Variants in SF3B6 observed in about 807,000 individuals in gnomAD.
The protein encoded by SF3B6 is SF3b 14 kDa subunit.
SF3B6 carries 3 observed loss-of-function variants against 15.9 expected under a neutral mutation model. That is an observed-to-expected ratio of 0.19 (90% CI 0.09 to 0.49). The LOEUF (loss-of-function observed/expected upper bound fraction) is 0.49, where lower values mean the gene tolerates loss of function less well. SF3B6 is among the 20% of genes least tolerant of loss of function. The probability of loss-of-function intolerance (pLI) is 0.97; values close to 1 mark genes in which losing one functional copy is unlikely to be tolerated. For synonymous variants in SF3B6, 49 were observed against 51.1 expected, an observed-to-expected ratio of 0.96 and a Z score of 0.18; for missense variants, 71 against 154.3, an observed-to-expected ratio of 0.46 and a Z score of 2.86.
At chr2:24,073,216 A>G (rs147899151) in intron 2 of SF3B6, among the ~76,000 whole-genome samples, 28 of 152,380 alleles carry the variant, frequency 1.8e-4, no homozygotes, top group African/African-American at 5.8e-4. Flanking sequence ...CCGACTAGAA[A>G]TAAAAACTTT....
intron 3 of SF3B6, 142 bp from the exon 4 acceptor site, chr2:24,067,993 C>T: frequency 1.3e-6 from 1 of 756,930 alleles, no homozygotes; most frequent in East Asian, 2.5e-5. Context: ...GAGACGGAGT[C>T]TCTCTGTTGC....
chr2:24,070,190 C>CT (rs1343262520), intron 2 of SF3B6, among the ~76,000 whole-genome samples: 1 of 152,200 alleles, frequency 6.6e-6, no homozygotes, highest in Non-Finnish European at 1.5e-5. Context: ...ATAATTTGAA[C>CT]TTTTAAAAGC....
rs769905029 is a variant in SF3B6, at chr2:24,074,243, A to T, written c.31-49T>A. The T allele has an allele frequency of 4.0e-6, 4 of 990,242 alleles. No homozygotes were observed. The South Asian group carries it at 5.9e-5, about 15-fold the overall frequency. The allele number at this position is 990,242 out of a possible 1,614,324, so 61.3% of individuals were successfully genotyped here. A position where few individuals can be genotyped will look rare whatever the true frequency, so the allele number is the denominator to read the frequency against. ...TATTATAATTAGGGGCATTCTAAAA[A>T]ATTATAATTTAAATGCCCCTATAAT... On this transcript the variant is annotated intron_variant, in intron 1 of 3. Transcript: ENST00000233468.
At chr2:24,074,879 A>G (rs1317761505) in intron 1 of SF3B6, among the ~76,000 whole-genome samples, 1 of 152,146 alleles carries the variant, frequency 6.6e-6, no homozygotes, top group East Asian at 1.9e-4. Context: ...CTGTAATCCC[A>G]GCGTTTTGGG....
intron 2 of SF3B6, among the ~76,000 whole-genome samples, chr2:24,073,338 G>C (rs181868408): frequency 6.6e-6 from 1 of 152,338 alleles, no homozygotes; most frequent in East Asian, 1.9e-4. Context: ...TCGGGTGTCA[G>C]AGGCTATGGT....
intron 2 of SF3B6, 64 bp from the exon 3 acceptor site, chr2:24,068,523 A>C: frequency 7.0e-7 from 1 of 1,429,490 alleles, no homozygotes; most frequent in Non-Finnish European, 9.5e-7. Context: ...GTTGACTTAC[A>C]GAACTGTCTT....
intron 2 of SF3B6, among the ~76,000 whole-genome samples, chr2:24,073,171 C>T (rs564911938): frequency 6.6e-6 from 1 of 152,246 alleles, no homozygotes; most frequent in East Asian, 1.9e-4. Flanking sequence ...GTCCTAAAGC[C>T]AGGAAGGAGC....
In SF3B6 at chr2:24,067,770, G is replaced by T. The variant is rs1664583429; in HGVS notation, c.370C>A (p.Pro124Thr). ...KEKYGINTDP[P>T]K Reference sequence around the variant, plus strand: ...GAAAATGTAGAAAACATTTATTTTGGTGGATCTGTGTTGATGCCATATTTC... The same window carrying T: ...GAAAATGTAGAAAACATTTATTTTGTTGGATCTGTGTTGATGCCATATTTC... The change falls in exon 4 of 4, where the codon CCA (proline) becomes ACA (threonine). Residue 124 changes from proline (P) to threonine (T), a missense_variant. Physicochemically the swap from Pro to Thr is conservative, Grantham distance 38 (BLOSUM62 -1). Around this residue, in one of 3 missense-constraint regions of SF3B6, gnomAD observed 52 missense variants for 113.2 expected, o/e 0.46. Coordinates refer to ENST00000233468, the MANE Select transcript of SF3B6 (RefSeq NM_016047.4). 1 of 1,611,902 alleles carries T rather than the reference G, an allele frequency of 6.2e-7. No individual in the cohort carries two copies. Among genetic ancestry groups the T allele is most frequent in the Non-Finnish European group, 8.5e-7 (1 of 1,178,952 alleles).
chr2:24,069,983 T>G (rs1664629002), intron 2 of SF3B6, among the ~76,000 whole-genome samples: 1 of 152,210 alleles, frequency 6.6e-6, no homozygotes, highest in African/African-American at 2.4e-5. Flanking sequence ...AAAGTGGAGA[T>G]CTACTTTCTT....
At chr2:24,073,308 A>T (rs1664684977) in intron 2 of SF3B6, among the ~76,000 whole-genome samples, 2 of 152,254 alleles carry the variant, frequency 1.3e-5, no homozygotes, top group East Asian at 3.8e-4. Flanking sequence ...CTCTTAAGTC[A>T]CTAGCCCTTT....
At chr2:24,075,829 G>T (rs1664734749) in intron 1 of SF3B6, among the ~76,000 whole-genome samples, 1 of 151,824 alleles carries the variant, frequency 6.6e-6, no homozygotes, top group Non-Finnish European at 1.5e-5. Flanking sequence ...TGATCTGAGG[G>T]GAATCCCAGG....
intron 2 of SF3B6, among the ~76,000 whole-genome samples, chr2:24,072,324 C>T (rs10177683): frequency 2.6e-5 from 4 of 151,974 alleles, no homozygotes; most frequent in Non-Finnish European, 4.4e-5. Flanking sequence ...TAGTATACAT[C>T]GGGTGCTTAC....
intron 2 of SF3B6, among the ~76,000 whole-genome samples, chr2:24,069,955 A>T (rs1357469994): frequency 6.6e-6 from 1 of 152,218 alleles, no homozygotes; most frequent in Non-Finnish European, 1.5e-5. Context: ...CATAAGGCAG[A>T]CGCTAATACG....
Position 24,068,314 on chromosome 2 carries a change from T to G in SF3B6, c.288+7A>C. ...TCACTACACAATGAGAACTTTGCTA[T>G]ACTTACCCTGTTGGCATTATAGTAC... On this transcript the variant is annotated splice_region_variant and intron_variant, in intron 3 of 3. Transcript: ENST00000233468. 6.2e-7 allele frequency: 1 copy of G among 1,610,810 alleles called. No individual in the cohort carries two copies. Among genetic ancestry groups the G allele is most frequent in the Non-Finnish European group, 8.5e-7 (1 of 1,178,416 alleles).
chr2:24,071,975 A>C (rs566160101), intron 2 of SF3B6, among the ~76,000 whole-genome samples: 7 of 152,116 alleles, frequency 4.6e-5, no homozygotes, highest in African/African-American at 9.6e-5. Context: ...TTTTTATATT[A>C]TTCTTCTATT....
chr2:24,071,181 C>T (rs865875720), intron 2 of SF3B6, among the ~76,000 whole-genome samples: 9 of 151,988 alleles, frequency 5.9e-5, no homozygotes, highest in South Asian at 2.1e-4. Flanking sequence ...TTAGTAGAGA[C>T]GAGGTTTCAC....
chr2:24,068,629 T>C (rs1664601562), intron 2 of SF3B6, among the ~76,000 whole-genome samples, 170 bp from the exon 3 acceptor site: 1 of 152,212 alleles, frequency 6.6e-6, no homozygotes, highest in South Asian at 2.1e-4. Flanking sequence ...GAAATAAACA[T>C]GGATAGATAT....
At chr2:24,076,175 C>T (rs1404695877) in intron 1 of SF3B6, 25 bp downstream of exon 1, 2 of 1,614,024 alleles carry the variant, frequency 1.2e-6, no homozygotes, top group African/African-American at 1.3e-5. Context: ...GTTCTCCCAC[C>T]CTCCGCAGAA....
At chr2:24,068,488 A>G (rs1664599807) in intron 2 of SF3B6, 29 bp from the exon 3 acceptor site, 1 of 1,583,430 alleles carries the variant, frequency 6.3e-7, no homozygotes, top group African/African-American at 1.3e-5. Flanking sequence ...CTTAATTAAG[A>G]TATACATTTA....
Sources: allele counts gnomAD v4.1 joint callset (sites outside exome capture counted in the v4.1 genomes callset), GRCh38; gene constraint gnomAD v4.1.1; regional missense constraint gnomAD v4.1.1; transcripts MANE v1.5; gene names NCBI Gene and HGNC (gene_info 2026-07-23, HGNC 2026-07-21).